Variants in HSP90AA1 observed in about 807,000 individuals in gnomAD.
The protein encoded by HSP90AA1 is heat shock protein HSP 90-alpha.
A neutral mutation model predicts 73.3 loss-of-function variants in HSP90AA1; 18 were observed. The ratio of observed to expected loss-of-function variants is 0.25; its 90% CI spans 0.17 to 0.36. The LOEUF (loss-of-function observed/expected upper bound fraction) is 0.36. Among genes scored for constraint, HSP90AA1 ranks in the 10% least tolerant of loss-of-function variants. The pLI, the probability that HSP90AA1 is intolerant of heterozygous loss-of-function variation, is 1.00. For missense variants in HSP90AA1, 704 were observed against 874.2 expected (o/e 0.81, Z 2.45); for synonymous variants, 477 against 296.9 (o/e 1.61, Z -6.24).
chr14:102,083,862 G>A lies in HSP90AA1; in HGVS notation c.1269C>T (p.Leu423=). ...CTTTATCTTCCGCCAGTTCAGTAAA[G>A]AGTTCTAAGCATTTTTTGACCAAAT... ...RKNLVKKCLE[L]FTELAEDKEN... The change falls in exon 7 of 11, where the codon CTC becomes CTT. Residue 423 remains leucine (L), a synonymous_variant. Coordinates refer to ENST00000216281, the MANE Select transcript of HSP90AA1 (RefSeq NM_005348.4). The A allele has an allele frequency of 1.2e-5, 20 of 1,613,908 alleles. No homozygotes were observed. The highest frequency in any genetic ancestry group is 1.7e-5 in the Non-Finnish European group (20 of 1,179,940).
At chr14:102,108,964 A>G (rs1420933840) in intron 1 of HSP90AA1, among the ~76,000 whole-genome samples, 12 of 152,072 alleles carry the variant, frequency 7.9e-5, no homozygotes. Context: ...ATTTATTTTA[A>G]TTTTTATTGG....
rs778117946 is a variant in HSP90AA1, at chr14:102,085,382, G to A, written c.579C>T (p.Asp193=). The A allele has an allele frequency of 1.9e-6, 3 of 1,613,474 alleles. 1 individual carries two copies. Among genetic ancestry groups the A allele is most frequent in the East Asian group, 2.2e-5 (1 of 44,882 alleles). Residue 193 remains aspartate, a synonymous_variant, in exon 4 of 11, where the codon GAC becomes GAT. Transcript: ENST00000216281. ...TTCGTTCCTCCAAGTACTCAGTTTG[G>A]TCTTCTTTCAGGTGTAGGATAACTT... ...GTKVILHLKE[D]QTEYLEERRI...
At chr14:102,101,747 G>C (rs2049495832) in intron 2 of HSP90AA1, 2 of 764,432 alleles carry the variant, frequency 2.6e-6, no homozygotes, top group Admixed American at 2.0e-5. Context: ...TGGGTAGGCA[G>C]GGAATAAACA....
chr14:102,087,028 G>T lies in HSP90AA1; in HGVS notation c.-43C>A, dbSNP rs955003904. ...ACAGGACCAACGGCACAGCCACACC[G>T]GGACGCTGAAGCAACTGACGCGCCA... On this transcript the variant is annotated 5_prime_UTR_variant, in exon 1 of 11. Transcript: ENST00000216281. 1.3e-5 allele frequency: 13 copies of T among 985,196 alleles called. No individual in the cohort carries two copies. The highest frequency in any genetic ancestry group is 6.2e-5 in the Admixed American group (1 of 16,258). 61.0% of individuals were successfully genotyped at this position (985,196 alleles called of 1,614,324 possible).
At chr14:102,105,356 A>T (rs962570246) in intron 1 of HSP90AA1, among the ~76,000 whole-genome samples, 9 of 152,226 alleles carry the variant, frequency 5.9e-5, no homozygotes, top group African/African-American at 1.9e-4. Context: ...ATGCAAGAAC[A>T]TGTACTTGTA....
At chr14:102,122,749 C>G (rs2049794317) in intron 1 of HSP90AA1, among the ~76,000 whole-genome samples, 1 of 151,738 alleles carries the variant, frequency 6.6e-6, no homozygotes, top group Non-Finnish European at 1.5e-5. Flanking sequence ...CTCACTGCAA[C>G]CTCTGCCTCC....
chr14:102,086,628 C>A (rs1377933247), intron 1 of HSP90AA1, among the ~76,000 whole-genome samples: 2 of 151,674 alleles, frequency 1.3e-5, no homozygotes, highest in African/African-American at 4.8e-5. Context: ...CCCCAACGAA[C>A]ACCCCGGGTG....
Position 102,084,956 on chromosome 14 carries a change from C to T in HSP90AA1, c.706G>A (p.Glu236Lys). Residue 236 changes from glutamate to lysine, a missense_variant, in exon 5 of 11, where the codon GAA becomes AAA. Physicochemically the swap from Glu to Lys is moderately conservative, Grantham distance 56 (BLOSUM62 1). Transcript: ENST00000216281. ...TCTTCTTCTTTGTCTTCCTTTTCTT[C>T]AGCCTCATCATCGCTTACTTCTTTA... ...RDKEVSDDEA[E>K]EKEDKEEEKE... 1 of 1,606,562 alleles carries T rather than the reference C, an allele frequency of 6.2e-7. No individual in the cohort carries two copies. Among genetic ancestry groups the T allele is most frequent in the Non-Finnish European group, 8.5e-7 (1 of 1,173,278 alleles).
intron 1 of HSP90AA1, among the ~76,000 whole-genome samples, chr14:102,135,658 C>G (rs530073378): frequency 1.3e-5 from 2 of 152,256 alleles, no homozygotes; most frequent in African/African-American, 4.8e-5. Context: ...CCCTGCCCCG[C>G]GGGAAGGCAG....
intron 1 of HSP90AA1, among the ~76,000 whole-genome samples, chr14:102,113,068 G>A (rs1257697366): frequency 6.6e-6 from 1 of 152,060 alleles, no homozygotes; most frequent in Non-Finnish European, 1.5e-5. Flanking sequence ...CTGTTGCCCA[G>A]GCTGGAGTGC....
chr14:102,113,080 G>C (rs1042316434), intron 1 of HSP90AA1, among the ~76,000 whole-genome samples: 1 of 152,046 alleles, frequency 6.6e-6, no homozygotes, highest in Non-Finnish European at 1.5e-5. Context: ...CTGGAGTGCA[G>C]TAGTGCGATC....
intron 1 of HSP90AA1, among the ~76,000 whole-genome samples, chr14:102,134,142 C>T (rs539354522): frequency 1.5e-5 from 1 of 67,026 alleles, no homozygotes; most frequent in East Asian, 5.5e-4. Flanking sequence ...CAGAGTGAGA[C>T]CTGTCTCAAA....
intron 1 of HSP90AA1, among the ~76,000 whole-genome samples, chr14:102,109,270 T>A (rs931853160): frequency 2.0e-5 from 3 of 152,188 alleles, no homozygotes; most frequent in African/African-American, 7.2e-5. Context: ...GATTCATCCA[T>A]GTTGTATGTA....
upstream of HSP90AA1, among the ~76,000 whole-genome samples, chr14:102,088,026 A>G (rs1402374539): frequency 7.5e-6 from 1 of 132,794 alleles, no homozygotes; most frequent in East Asian, 2.3e-4. Flanking sequence ...GGCTCACTGC[A>G]GCCTCGACCC....
rs138804041 is a variant in HSP90AA1 at position 102,119,635 on chromosome 14, C to T, written c.156-17550G>A. Among the ~76,000 whole-genome samples, 31 of 152,216 alleles carry T rather than the reference C, an allele frequency of 2.0e-4. 1 individual carries two copies. The East Asian group carries it at 2.7e-3, about 13-fold the overall frequency. On this transcript the variant is annotated intron_variant, in intron 1 of 11. Coordinates refer to the HSP90AA1 transcript ENST00000334701. ...TCCGGAGTAGCTGGGATTACAAGCACGTGCCACCATGCCTGGCTAATTTTT... is the reference window on the plus strand; with the variant it reads ...TCCGGAGTAGCTGGGATTACAAGCATGTGCCACCATGCCTGGCTAATTTTT...
exon 1 of HSP90AA1, chr14:102,139,586 G>A: frequency 1.4e-6 from 1 of 697,042 alleles, no homozygotes; most frequent in Non-Finnish European, 2.3e-6. Context: ...CCCCTGACCG[G>A]CTTTCCGCTG....
At chr14:102,107,952 AT>A (rs3068103) in intron 1 of HSP90AA1, among the ~76,000 whole-genome samples, 1 of 147,830 alleles carries the variant, frequency 6.8e-6, no homozygotes, top group Non-Finnish European at 1.5e-5. Context: ...TCTCTCTTAA[AT>A]TTTTTTTTTT....
intron 1 of HSP90AA1, among the ~76,000 whole-genome samples, chr14:102,119,180 A>C (rs753529182): frequency 1.3e-5 from 2 of 151,808 alleles, no homozygotes; most frequent in South Asian, 4.2e-4. Flanking sequence ...TACTTTTTCC[A>C]CTTGAACTTT....
chr14:102,137,145 C>T (rs955085746), intron 1 of HSP90AA1, among the ~76,000 whole-genome samples: 5 of 150,696 alleles, frequency 3.3e-5, no homozygotes, highest in African/African-American at 7.4e-5. Flanking sequence ...ACTTGGGAGG[C>T]GGAGAGCTGA....
Sources: gnomAD v4.1 joint callset for allele counts (sites outside exome capture counted in the v4.1 genomes callset) on GRCh38, gnomAD v4.1.1 for gene constraint, MANE v1.5 for transcripts, NCBI Gene and HGNC (gene_info 2026-07-23, HGNC 2026-07-21) for gene names.